Variants in RPS6KA2 observed in about 807,000 individuals in gnomAD.
The protein encoded by RPS6KA2 is ribosomal protein S6 kinase alpha-2.
In RPS6KA2, 42 loss-of-function variants were observed where a neutral mutation model predicts 91.8. That is an observed-to-expected ratio of 0.46 (90% confidence interval 0.36 to 0.59). The LOEUF is 0.59. Among genes scored for constraint, RPS6KA2 ranks in the 20% least tolerant of loss-of-function variants. RPS6KA2 has a pLI of 0.00. For missense variants in RPS6KA2, 798 were observed against 978.5 expected (o/e 0.82, Z 2.46); for synonymous variants, 414 against 393.6 (o/e 1.05, Z -0.61).
At chr6:166,755,341 G>T (rs471953) in intron 2 of RPS6KA2, among the ~76,000 whole-genome samples, 9 of 151,752 alleles carry the variant, frequency 5.9e-5, no homozygotes, top group African/African-American at 1.9e-4. Flanking sequence ...AGATGCATTG[G>T]GCCTCCTAGA....
chr6:166,676,466 G>A (rs1288330453), intron 2 of RPS6KA2, among the ~76,000 whole-genome samples: 1 of 152,190 alleles, frequency 6.6e-6, no homozygotes, highest in Non-Finnish European at 1.5e-5. Flanking sequence ...TCCACCCTGT[G>A]ATTCCACGCC....
chr6:166,626,051 G>C lies in RPS6KA2; in HGVS notation c.99+870C>G, dbSNP rs1786860314. Among the ~76,000 whole-genome samples, 2 of 152,170 alleles carry C rather than the reference G, an allele frequency of 1.3e-5. No individual in the cohort carries two copies. The highest frequency in any genetic ancestry group is 6.5e-5 in the Admixed American group (1 of 15,288). On this transcript the variant is annotated intron_variant, in intron 1 of 20. Transcript: ENST00000265678. This position sits in a 1 kb window ranked among gnomAD's most constrained non-coding sequence, Gnocchi z 4.1. ...AGGTGCCAGCCTTGAGGCAAAGGCG[G>C]GACAGTGTCAGGCGAAATCTTTGGG...
At chr6:166,799,985 G>A (rs923392211) in intron 2 of RPS6KA2, among the ~76,000 whole-genome samples, 2 of 152,178 alleles carry the variant, frequency 1.3e-5, no homozygotes, top group Non-Finnish European at 2.9e-5. Flanking sequence ...CAGGCCCCAG[G>A]CCTGCCTGGT....
intron 2 of RPS6KA2, among the ~76,000 whole-genome samples, chr6:166,775,178 G>A (rs1447224716): frequency 6.6e-6 from 1 of 151,982 alleles, no homozygotes; most frequent in South Asian, 2.1e-4. Context: ...GGGCAGTCTT[G>A]ATTCTTAAAT....
rs977231920 is a variant in RPS6KA2, at chr6:166,665,129, T to C, written c.124-126345A>G. Among the ~76,000 whole-genome samples, 5 of 151,982 alleles carry C rather than the reference T, an allele frequency of 3.3e-5. No homozygotes were observed. Among genetic ancestry groups the C allele is most frequent in the Non-Finnish European group, 5.9e-5 (4 of 67,980 alleles). ...TGGTGGCGTGTAGCCTTCAGTCTCA[T>C]AGCTGTCAGGGTGTTCAAGTTCTGC... On this transcript the variant is annotated intron_variant, in intron 2 of 21. Coordinates refer to the RPS6KA2 transcript ENST00000503859. This position sits in a 1 kb window ranked among gnomAD's most constrained non-coding sequence, Gnocchi z 4.5.
intron 1 of RPS6KA2, among the ~76,000 whole-genome samples, chr6:166,605,822 A>G (rs1241317826): frequency 6.6e-6 from 1 of 152,240 alleles, no homozygotes; most frequent in East Asian, 1.9e-4. Flanking sequence ...TTCTGTAGTG[A>G]TAAGACCTGA....
intron 2 of RPS6KA2, among the ~76,000 whole-genome samples, chr6:166,683,667 A>G (rs1422313924): frequency 3.3e-5 from 5 of 152,234 alleles, no homozygotes; most frequent in African/African-American, 1.2e-4. Flanking sequence ...TCTCTGGATA[A>G]CTAGGTAGGC....
At chr6:166,741,620 C>G (rs1790818826) in intron 2 of RPS6KA2, among the ~76,000 whole-genome samples, 4 of 152,244 alleles carry the variant, frequency 2.6e-5, no homozygotes, top group Admixed American at 2.6e-4. Context: ...GGATCACCCA[C>G]TGCTTATGTG....
intron 1 of RPS6KA2, among the ~76,000 whole-genome samples, chr6:166,589,471 C>T (rs1023813464): frequency 2.3e-4 from 35 of 152,222 alleles, no homozygotes; most frequent in Admixed American, 1.3e-3. Flanking sequence ...CCTCCATGGT[C>T]AGAGTATCTT....
At chr6:166,473,254 G>A (rs1443182445) in intron 10 of RPS6KA2, among the ~76,000 whole-genome samples, 1 of 152,044 alleles carries the variant, frequency 6.6e-6, no homozygotes, top group African/African-American at 2.4e-5. Flanking sequence ...GCAGTGGCAT[G>A]ATCGTGACTC....
chr6:166,783,882 C>T (rs79952843), intron 2 of RPS6KA2, among the ~76,000 whole-genome samples: 2 of 71,420 alleles, frequency 2.8e-5, no homozygotes, highest in Non-Finnish European at 5.7e-5. Context: ...TACGCATCAC[C>T]ACATATGCAC....
In RPS6KA2 at chr6:166,783,805, CAGTT is replaced by C. The variant is rs1280358048; in HGVS notation, c.123+74391_123+74394del. On this transcript the variant is annotated intron_variant, in intron 2 of 21. Coordinates refer to the RPS6KA2 transcript ENST00000503859. Reference sequence around the variant, plus strand: ...CTATAACTACATATATACACGTGCACAGTTACCTGTAACCACATATGCACACGTG... The same window carrying C: ...CTATAACTACATATATACACGTGCACACCTGTAACCACATATGCACACGTG... 2.2e-4 allele frequency among the ~76,000 whole-genome samples: 26 copies of C among 116,686 alleles called. 1 individual carries two copies. The highest frequency in any genetic ancestry group is 1.2e-3 in the East Asian group (6 of 4,968). 76.6% of individuals were successfully genotyped at this position (116,686 alleles called of 152,430 possible). A position where few individuals can be genotyped will look rare whatever the true frequency, so the allele number is the denominator to read the frequency against.
intron 2 of RPS6KA2, among the ~76,000 whole-genome samples, chr6:166,752,052 C>T (rs558059735): frequency 9.2e-5 from 14 of 152,326 alleles, no homozygotes; most frequent in East Asian, 1.9e-4. Flanking sequence ...ACCTCAAAGG[C>T]GACACCAGGT....
chr6:166,821,414 G>T lies in RPS6KA2; in HGVS notation c.123+36786C>A, dbSNP rs1268530027. On this transcript the variant is annotated intron_variant, in intron 2 of 21. Coordinates refer to the RPS6KA2 transcript ENST00000503859. The surrounding 1 kb of genome is among the most constrained non-coding windows in gnomAD (Gnocchi z 4.1). ...CATGCGTGGGGCTGTAGGATGGAGG[G>T]GTGGAGAGGCAGGCAGGCAGAAACA... Among the ~76,000 whole-genome samples, 1 of 152,046 alleles carries T rather than the reference G, an allele frequency of 6.6e-6. No homozygotes were observed. Among genetic ancestry groups the T allele is most frequent in the Non-Finnish European group, 1.5e-5 (1 of 68,022 alleles).
intron 13 of RPS6KA2, among the ~76,000 whole-genome samples, chr6:166,450,708 C>A (rs1779879849): frequency 6.7e-6 from 1 of 150,348 alleles, no homozygotes. Context: ...CACAAGGGAC[C>A]ACCCCAGGGA....
At chr6:166,442,301 C>T (rs1290664870) in intron 14 of RPS6KA2, among the ~76,000 whole-genome samples, 2 of 152,190 alleles carry the variant, frequency 1.3e-5, no homozygotes, top group Non-Finnish European at 2.9e-5. Context: ...AAACAGAACA[C>T]TGGGGCTCCC....
intron 2 of RPS6KA2, among the ~76,000 whole-genome samples, chr6:166,710,615 A>G (rs1200471844): frequency 1.3e-5 from 2 of 151,970 alleles, no homozygotes; most frequent in African/African-American, 4.8e-5. Flanking sequence ...CTGGAGGTGC[A>G]TGTGTTATGC....
chr6:166,750,016 C>G (rs1791226602), intron 2 of RPS6KA2, among the ~76,000 whole-genome samples: 1 of 152,034 alleles, frequency 6.6e-6, no homozygotes, highest in Non-Finnish European at 1.5e-5. Flanking sequence ...CCTTCTGAGT[C>G]CAGCCCGGCT....
At chr6:166,743,501 A>G (rs1790877887) in intron 2 of RPS6KA2, among the ~76,000 whole-genome samples, 1 of 152,204 alleles carries the variant, frequency 6.6e-6, no homozygotes, top group Non-Finnish European at 1.5e-5. Context: ...TTGAGGCCAC[A>G]CACACTTACA....
Sources: gnomAD v4.1 joint callset for allele counts (sites outside exome capture counted in the v4.1 genomes callset) on GRCh38, gnomAD v4.1.1 for gene constraint, Gnocchi (gnomAD v3.1) non-coding constraint, MANE v1.5 for transcripts, NCBI Gene and HGNC (gene_info 2026-07-23, HGNC 2026-07-21) for gene names.